Variants in TBC1D22A observed in about 807,000 individuals in gnomAD.
TBC1D22A encodes the protein putative GTPase activator.
TBC1D22A carries 38 observed loss-of-function variants against 60.2 expected under a neutral mutation model. That is an observed-to-expected ratio of 0.63 (90% confidence interval 0.49 to 0.83). TBC1D22A has a LOEUF of 0.83. Ranked by LOEUF, TBC1D22A falls within the 40% of genes least tolerant of loss-of-function variation. The probability of loss-of-function intolerance (pLI) is 0.00; values close to 1 mark genes in which losing one functional copy is unlikely to be tolerated. For synonymous variants in TBC1D22A, 302 were observed against 281.7 expected (o/e 1.07, Z -0.72); for missense variants, 628 against 701.0 (o/e 0.90, Z 1.18).
intron 12 of TBC1D22A, among the ~76,000 whole-genome samples, chr22:47,135,693 C>G (rs1188807441): frequency 6.6e-6 from 1 of 152,236 alleles, no homozygotes; most frequent in East Asian, 1.9e-4. Flanking sequence ...CTAAATCGCC[C>G]AGAGATCCTG....
intron 8 of TBC1D22A, among the ~76,000 whole-genome samples, chr22:46,917,195 G>C (rs1320382852): frequency 6.6e-6 from 1 of 152,150 alleles, no homozygotes. Context: ...AGCAAGGCAC[G>C]TGCTACTTTG....
At chr22:46,782,840 T>TA (rs1486035976) in intron 1 of TBC1D22A, among the ~76,000 whole-genome samples, 1 of 152,244 alleles carries the variant, frequency 6.6e-6, no homozygotes, top group African/African-American at 2.4e-5. Flanking sequence ...CTCCATTGTG[T>TA]GGTTAGGCCA....
At chr22:47,098,146 T>C (rs2065256675) in intron 11 of TBC1D22A, among the ~76,000 whole-genome samples, 1 of 152,172 alleles carries the variant, frequency 6.6e-6, no homozygotes, top group South Asian at 2.1e-4. Flanking sequence ...GACTTGTTAA[T>C]GGTCATTTCC....
chr22:46,924,714 C>T (rs974850446), intron 8 of TBC1D22A, among the ~76,000 whole-genome samples: 1 of 150,772 alleles, frequency 6.6e-6, no homozygotes, highest in African/African-American at 2.4e-5. Flanking sequence ...CATTGCACTC[C>T]AGCCTGAGCA....
intron 9 of TBC1D22A, among the ~76,000 whole-genome samples, chr22:46,974,742 G>T (rs891881175): frequency 1.8e-4 from 27 of 152,328 alleles, no homozygotes; most frequent in African/African-American, 5.8e-4. Context: ...TGCTAAGAGG[G>T]ATCCTCCTTA....
At chr22:46,947,688 C>T (rs1024735603) in intron 8 of TBC1D22A, among the ~76,000 whole-genome samples, 2 of 152,122 alleles carry the variant, frequency 1.3e-5, no homozygotes, top group Non-Finnish European at 2.9e-5. Flanking sequence ...TCTCTCCCTC[C>T]TGTCTCCCTC....
chr22:47,004,759 T>C (rs989252189), intron 10 of TBC1D22A, among the ~76,000 whole-genome samples: 2 of 142,698 alleles, frequency 1.4e-5, no homozygotes, highest in Admixed American at 1.4e-4. Flanking sequence ...TACACATCTC[T>C]ATATACACAC....
chr22:46,881,550 C>T (rs1006148799), intron 5 of TBC1D22A, among the ~76,000 whole-genome samples: 4 of 152,172 alleles, frequency 2.6e-5, no homozygotes, highest in African/African-American at 7.2e-5. Flanking sequence ...TTCTTGTGGA[C>T]AGGCGTGTGG....
At chr22:46,795,325 C>T (rs982722960) in intron 3 of TBC1D22A, among the ~76,000 whole-genome samples, 2 of 152,218 alleles carry the variant, frequency 1.3e-5, no homozygotes, top group Non-Finnish European at 2.9e-5. Context: ...AGCACCGTGC[C>T]CCCTACCCCC....
chr22:47,037,310 C>T, intron 11 of TBC1D22A, 112 bp downstream of exon 11: 1 of 1,451,158 alleles, frequency 6.9e-7, no homozygotes, highest in Non-Finnish European at 9.4e-7. Context: ...TCCAAGCGCT[C>T]TCTCCATTGA....
chr22:46,896,663 G>T (rs895220940), intron 7 of TBC1D22A, among the ~76,000 whole-genome samples: 1 of 152,080 alleles, frequency 6.6e-6, no homozygotes, highest in African/African-American at 2.4e-5. Context: ...GTTGTGTTGT[G>T]TTGTTTTTTT....
intron 1 of TBC1D22A, among the ~76,000 whole-genome samples, chr22:46,764,821 G>A (rs963565421): frequency 1.3e-5 from 2 of 152,226 alleles, no homozygotes; most frequent in African/African-American, 4.8e-5. Flanking sequence ...CCAGAAGCTA[G>A]AAGAGGCAAG....
chr22:47,167,887 A>G (rs1337384732), intron 12 of TBC1D22A, among the ~76,000 whole-genome samples: 1 of 152,230 alleles, frequency 6.6e-6, no homozygotes, highest in Non-Finnish European at 1.5e-5. Context: ...AGGCTCTAAA[A>G]GTATCCTTGG....
intron 10 of TBC1D22A, among the ~76,000 whole-genome samples, chr22:47,013,984 G>A (rs1177009650): frequency 1.3e-5 from 2 of 152,232 alleles, no homozygotes; most frequent in Admixed American, 6.5e-5. Flanking sequence ...CCTCTGCCGA[G>A]CGGAAGCTCT....
intron 11 of TBC1D22A, among the ~76,000 whole-genome samples, chr22:47,105,337 G>A (rs982505909): frequency 6.6e-6 from 1 of 152,166 alleles, no homozygotes; most frequent in African/African-American, 2.4e-5. Flanking sequence ...ACCAAATAAT[G>A]CTGGTGTGCT....
chr22:46,853,342 G>T (rs2087387491), intron 4 of TBC1D22A, among the ~76,000 whole-genome samples: 1 of 152,218 alleles, frequency 6.6e-6, no homozygotes, highest in African/African-American at 2.4e-5. Context: ...CGAGAGGCAT[G>T]AAGCCGCCTC....
At chr22:47,013,750 G>A (rs1028351013) in intron 10 of TBC1D22A, among the ~76,000 whole-genome samples, 1 of 152,146 alleles carries the variant, frequency 6.6e-6, no homozygotes, top group Non-Finnish European at 1.5e-5. Flanking sequence ...AGCATTGGAG[G>A]GCACATCCCG....
At chr22:46,841,047 G>GGTGTGTGTGT (rs56029066) in intron 4 of TBC1D22A, among the ~76,000 whole-genome samples, 3,242 of 147,484 alleles carry the variant, frequency 0.022, 60 homozygotes, top group Middle Eastern at 0.049. Context: ...AATGAAAATG[G>GGTGTGTGTGT]GTGTGTGTGT....
chr22:47,096,410 C>T (rs1050477097), intron 11 of TBC1D22A, among the ~76,000 whole-genome samples: 1 of 152,212 alleles, frequency 6.6e-6, no homozygotes, highest in African/African-American at 2.4e-5. Flanking sequence ...CTTTGTCAGT[C>T]ACATACCCAC....
Sources: gnomAD v4.1 joint callset for allele counts (sites outside exome capture counted in the v4.1 genomes callset) on GRCh38, gnomAD v4.1.1 for gene constraint, MANE v1.5 for transcripts, NCBI Gene and HGNC (gene_info 2026-07-23, HGNC 2026-07-21) for gene names.